The following PHLDB1 variants were observed in gnomAD, a reference collection of about 807,000 sequenced individuals.
The protein encoded by PHLDB1 is pleckstrin homology-like domain family B member 1.
In PHLDB1, 65 loss-of-function variants were observed where a neutral mutation model predicts 139.3. The ratio of observed to expected loss-of-function variants is 0.47; its 90% CI spans 0.38 to 0.57. The LOEUF (loss-of-function observed/expected upper bound fraction) is 0.57, where lower values mean the gene tolerates loss of function less well. Among genes scored for constraint, PHLDB1 ranks in the 20% least tolerant of loss-of-function variants. The pLI, the probability that PHLDB1 is intolerant of heterozygous loss-of-function variation, is 0.00. For missense variants in PHLDB1, 1,624 were observed against 1,839.7 expected (o/e 0.88, Z 2.14); for synonymous variants, 679 against 734.5 (o/e 0.92, Z 1.22).
chr11:118,646,778 G>A (rs1236519462), intron 17 of PHLDB1: 1 of 152,216 alleles, frequency 6.6e-6, no homozygotes, highest in Non-Finnish European at 1.5e-5. Flanking sequence ...TTTGAGATGA[G>A]AGTGGGACGC....
chr11:118,631,562 G>A (rs1034317956), intron 7 of PHLDB1, 83 bp downstream of exon 7: 1 of 1,162,482 alleles, frequency 8.6e-7, no homozygotes, highest in South Asian at 2.1e-5. Context: ...CAATGCCAAG[G>A]TCCAGTGAGG....
In PHLDB1 at chr11:118,657,095, C is replaced by G. The variant is rs549685562; in HGVS notation, c.*272C>G. On this transcript the variant is annotated 3_prime_UTR_variant, in exon 23 of 23. Coordinates refer to ENST00000600882, the MANE Select transcript of PHLDB1 (RefSeq NM_001144758.3). ...ACACCTGCTCTCCCCAGCCTGTTTTCTCTTTTCTAAAAGACAAATTATGGT... is the reference window on the plus strand; with the variant it reads ...ACACCTGCTCTCCCCAGCCTGTTTTGTCTTTTCTAAAAGACAAATTATGGT... The G allele has an allele frequency of 3.2e-6, 1 of 315,848 alleles. No individual in the cohort carries two copies. Among genetic ancestry groups the G allele is most frequent in the Non-Finnish European group, 5.8e-6 (1 of 171,268 alleles). 19.6% of individuals were successfully genotyped at this position (315,848 alleles called of 1,614,324 possible). A position where few individuals can be genotyped will look rare whatever the true frequency, so the allele number is the denominator to read the frequency against.
In PHLDB1 at chr11:118,631,971, G is replaced by A. The variant is rs116159485; in HGVS notation, c.2159G>A (p.Arg720Gln). The change falls in exon 8 of 23, where the codon CGG (arginine) becomes CAG (glutamine). Residue 720 changes from arginine to glutamine, a missense_variant. By Grantham distance (43) the Arg-to-Gln change is conservative. Coordinates refer to ENST00000600882, the MANE Select transcript of PHLDB1 (RefSeq NM_001144758.3). ...QGEVLALEEE[R>Q]AQVLGHVEQL... ...GAGGTGCTAGCCCTGGAAGAAGAGC[G>A]GGCTCAGGTGCTGGGGCACGTGGAG... is the stretch of plus-strand genomic sequence containing the variant. 1,344 of 1,614,108 alleles carry A rather than the reference G, an allele frequency of 8.3e-4. 13 individuals carry two copies. The African/African-American group carries it at 0.016, about 19-fold the overall frequency.
intron 10 of PHLDB1, 57 bp from the exon 11 acceptor site, chr11:118,638,834 C>T (rs1946057014): frequency 1.5e-6 from 2 of 1,335,278 alleles, no homozygotes; most frequent in Non-Finnish European, 2.1e-6. Flanking sequence ...AGCTAGTTCT[C>T]ACCTTGGGCT....
chr11:118,641,986 TG>T, intron 12 of PHLDB1: 1 of 579,224 alleles, frequency 1.7e-6, no homozygotes, highest in South Asian at 2.0e-5. Flanking sequence ...TGTTTCTCTT[TG>T]CCCTTAGTAC....
intron 13 of PHLDB1, 131 bp downstream of exon 13, chr11:118,642,525 C>G: frequency 9.3e-7 from 1 of 1,074,006 alleles, no homozygotes; most frequent in African/African-American, 1.6e-5. Context: ...ATGAGGGCAC[C>G]TCTGGGCCCT....
chr11:118,630,253 A>C (rs934788529), intron 6 of PHLDB1, among the ~76,000 whole-genome samples: 7 of 152,140 alleles, frequency 4.6e-5, no homozygotes, highest in Admixed American at 1.3e-4. Flanking sequence ...GGAAAAGGCA[A>C]CAAAGACCAG....
In PHLDB1 at chr11:118,648,072, C is replaced by T; in HGVS notation, c.3650C>T (p.Ser1217Phe). 1.9e-6 allele frequency: 3 copies of T among 1,613,236 alleles called. No individual in the cohort carries two copies. The highest frequency in any genetic ancestry group is 2.5e-6 in the Non-Finnish European group (3 of 1,179,562). Residue 1217 changes from serine to phenylalanine, a missense_variant, in exon 18 of 23, where the codon TCC (serine) becomes TTC (phenylalanine). Ser to Phe is a radical substitution (Grantham distance 155, BLOSUM62 -2). Transcript: ENST00000600882. ...GTCAAGATGCGGGAGAAACAATTTT[C>T]CCAGGTGAATGGGCAGTGGGGCACA... ...KEVKMREKQFSQARPLTRYLP... is the reference protein window; with the variant it reads ...KEVKMREKQFFQARPLTRYLP...
At position 118,628,152 on chromosome 11, in the gene PHLDB1, T is replaced by A. The variant is rs1555105272; in HGVS notation, c.1329T>A (p.Ser443Arg). 6.2e-7 allele frequency: 1 copy of A among 1,613,670 alleles called. No individual in the cohort carries two copies. The highest frequency in any genetic ancestry group is 2.2e-5 in the East Asian group (1 of 44,826). ...LATRTLQPPE[S>R]PRLGRRGLDS... The stretch of plus-strand genomic sequence containing the variant: ...CCCGTACCCTGCAGCCTCCTGAGAG[T>A]CCCCGCCTGGGCCGGCGGGGCCTGG... The change falls in exon 6 of 23, where the codon AGT becomes AGA. Residue 443 changes from serine (S) to arginine (R), a missense_variant. Transcript: ENST00000600882.
At chr11:118,627,188 C>T (rs1944023253) in intron 5 of PHLDB1, 117 bp from the exon 6 acceptor site, 6 of 1,023,620 alleles carry the variant, frequency 5.9e-6, no homozygotes, top group Middle Eastern at 2.4e-4. Context: ...ACCACATCTC[C>T]TGGCTTCTTC....
At position 118,609,733 on chromosome 11, in the gene PHLDB1, G is replaced by C. The variant is rs1443391200; in HGVS notation, c.-22+2034G>C. ...AAGGCCGCTTGTCAGGGGCGGGCGGGCAGGCGGCAGCGGCAGGCGCCCAAC... is the reference window on the plus strand; with the variant it reads ...AAGGCCGCTTGTCAGGGGCGGGCGGCCAGGCGGCAGCGGCAGGCGCCCAAC... On this transcript the variant is annotated intron_variant, in intron 1 of 22. Transcript: ENST00000600882. Among the ~76,000 whole-genome samples, 30 of 152,352 alleles carry C rather than the reference G, an allele frequency of 2.0e-4. No individual in the cohort carries two copies. In the East Asian group the frequency reaches 2.7e-3, roughly 14 times the overall value.
In PHLDB1 at chr11:118,620,166, C is replaced by T. The variant is rs1942475895; in HGVS notation, c.355+3955C>T. Among the ~76,000 whole-genome samples, 1 of 152,346 alleles carries T rather than the reference C, an allele frequency of 6.6e-6. No individual in the cohort carries two copies. Among genetic ancestry groups the T allele is most frequent in the African/African-American group, 2.4e-5 (1 of 41,582 alleles). ...GGCCAGGTCCCTGGAACAAGAGGAA[C>T]TCTCTGGGGGACCTGGCTGGATGGT... is the stretch of plus-strand genomic sequence containing the variant. On this transcript the variant is annotated intron_variant, in intron 4 of 22. Transcript: ENST00000600882. The surrounding 1 kb of genome is among the most constrained non-coding windows in gnomAD (Gnocchi z 4.1).
chr11:118,635,107 A>T (rs1945423823), intron 9 of PHLDB1: 14 of 536,332 alleles, frequency 2.6e-5, no homozygotes, highest in South Asian at 2.0e-4. Flanking sequence ...CAGAAGGAAG[A>T]GAGGAGAGCG....
At chr11:118,628,961 T>C (rs1414351110) in intron 6 of PHLDB1, among the ~76,000 whole-genome samples, 1 of 152,248 alleles carries the variant, frequency 6.6e-6, no homozygotes, top group Non-Finnish European at 1.5e-5. Context: ...TAGGAAAACA[T>C]ACCACAGGTA....
chr11:118,634,806 T>C lies in PHLDB1; in HGVS notation c.2380-587T>C, dbSNP rs1461224321. 4 of 281,358 alleles carry C rather than the reference T, an allele frequency of 1.4e-5. No homozygotes were observed. The East Asian group carries it at 3.7e-4, about 26-fold the overall frequency. 17.4% of individuals were successfully genotyped at this position (281,358 alleles called of 1,614,324 possible). Reference sequence around the variant, plus strand: ...ACCCCCATTGCCGACCCCCATTCTGTCCCGCCCTGGCCGCCCTCCCGCGCT... The same window carrying C: ...ACCCCCATTGCCGACCCCCATTCTGCCCCGCCCTGGCCGCCCTCCCGCGCT... On this transcript the variant is annotated intron_variant, in intron 9 of 22. Transcript: ENST00000600882.
chr11:118,645,706 T>C lies in PHLDB1; in HGVS notation c.3417-29T>C. ...CTCAGCCACCGCCTCAGCTCCTTGA[T>C]GCACTTCCTCTTCCCCTTCTCTCCC... is the stretch of plus-strand genomic sequence containing the variant. On this transcript the variant is annotated intron_variant, in intron 16 of 22. Transcript: ENST00000600882. The surrounding 1 kb of genome is among the most constrained non-coding windows in gnomAD (Gnocchi z 5.1). 1.9e-6 allele frequency: 3 copies of C among 1,611,904 alleles called. No individual in the cohort carries two copies. Among genetic ancestry groups the C allele is most frequent in the Non-Finnish European group, 2.5e-6 (3 of 1,178,014 alleles).
rs144496489 is a variant in PHLDB1, at chr11:118,638,984, T to G, written c.2629T>G (p.Leu877Val). 2 of 1,613,212 alleles carry G rather than the reference T, an allele frequency of 1.2e-6. No individual in the cohort carries two copies. Among genetic ancestry groups the G allele is most frequent in the African/African-American group, 2.7e-5 (2 of 74,900 alleles). The change falls in exon 11 of 23, where the codon TTA (leucine) becomes GTA (valine). Residue 877 changes from leucine to valine, a missense_variant. Transcript: ENST00000600882. ...ERLARDKNAS[L>V]QLLQKEKEKL... is the part of the protein sequence containing the mutation. ...CCTGGCCCGGGACAAGAATGCCTCC[T>G]TACAGCTGCTGCAAAAGGTAGGGTC...
chr11:118,616,980 G>A (rs1555090268), intron 4 of PHLDB1, among the ~76,000 whole-genome samples: 2 of 152,234 alleles, frequency 1.3e-5, no homozygotes, highest in Non-Finnish European at 2.9e-5. Context: ...GGGAGGCAGA[G>A]GTTGTAGTGA....
chr11:118,620,312 G>A lies in PHLDB1; in HGVS notation c.355+4101G>A, dbSNP rs1555093576. 6.6e-6 allele frequency among the ~76,000 whole-genome samples: 1 copy of A among 152,222 alleles called. No individual in the cohort carries two copies. The highest frequency in any genetic ancestry group is 1.5e-5 in the Non-Finnish European group (1 of 68,048). ...GTTCGAGACCAGCCTGACCAACATGGAGAAACCCCATCTCTACTAAAAATA... is the reference window on the plus strand; with the variant it reads ...GTTCGAGACCAGCCTGACCAACATGAAGAAACCCCATCTCTACTAAAAATA... On this transcript the variant is annotated intron_variant, in intron 4 of 22. Coordinates refer to ENST00000600882, the MANE Select transcript of PHLDB1 (RefSeq NM_001144758.3). This position sits in a 1 kb window ranked among gnomAD's most constrained non-coding sequence, Gnocchi z 4.1.
Sources: allele counts gnomAD v4.1 joint callset (sites outside exome capture counted in the v4.1 genomes callset), GRCh38; gene constraint gnomAD v4.1.1; non-coding constraint Gnocchi (gnomAD v3.1); transcripts MANE v1.5; gene names NCBI Gene and HGNC (gene_info 2026-07-23, HGNC 2026-07-21).